The following COLEC10 variants were observed in gnomAD, a reference collection of about 807,000 sequenced individuals.
COLEC10 encodes the protein collectin-10.
In COLEC10, 22 loss-of-function variants were observed where a neutral mutation model predicts 28.4. That is an observed-to-expected ratio of 0.78 (90% confidence interval 0.55 to 1.11). The LOEUF is 1.11. Ranked by LOEUF, COLEC10 falls within the 50% of genes least tolerant of loss-of-function variation. COLEC10 has a pLI of 0.00. For missense variants in COLEC10, 361 were observed against 344.1 expected, an observed-to-expected ratio of 1.05 and a Z score of -0.39; for synonymous variants, 125 against 116.1, an observed-to-expected ratio of 1.08 and a Z score of -0.49.
At chr8:119,083,053 T>G (rs1815398533) in intron 1 of COLEC10, among the ~76,000 whole-genome samples, 1 of 152,188 alleles carries the variant, frequency 6.6e-6, no homozygotes, top group Non-Finnish European at 1.5e-5. Flanking sequence ...AAGAAACTTG[T>G]GTTTGCAAGT....
At chr8:118,969,748 G>C in the COLEC10 span, among the ~76,000 whole-genome samples, 1 of 149,162 alleles carries the variant, frequency 6.7e-6, no homozygotes, top group Non-Finnish European at 1.5e-5. Flanking sequence ...ATTTATGCAA[G>C]TTGGATAGAG....
At chr8:119,102,468 A>G (rs887994296) in intron 4 of COLEC10, 67 bp downstream of exon 4, 16 of 1,289,468 alleles carry the variant, frequency 1.2e-5, no homozygotes, top group Non-Finnish European at 1.8e-5. Flanking sequence ...TCAAAAATAA[A>G]TATATTTCAA....
At chr8:119,077,872 C>A (rs1307999681) in intron 1 of COLEC10, among the ~76,000 whole-genome samples, 1 of 152,102 alleles carries the variant, frequency 6.6e-6, no homozygotes. Context: ...ATACCTTAAA[C>A]TGGGTAGTTT....
chr8:118,966,288 A>G, the COLEC10 span, among the ~76,000 whole-genome samples: 1 of 152,208 alleles, frequency 6.6e-6, no homozygotes, highest in Non-Finnish European at 1.5e-5. Context: ...TAAAAAATCA[A>G]CTATATACAA....
At chr8:119,071,516 G>C (rs924105790) in intron 1 of COLEC10, among the ~76,000 whole-genome samples, 6 of 152,264 alleles carry the variant, frequency 3.9e-5, no homozygotes, top group Admixed American at 1.3e-4. Context: ...TCTTCCCAAG[G>C]ATAGTTCCTT....
intron 2 of COLEC10, among the ~76,000 whole-genome samples, chr8:119,059,362 AT>A (rs1414224312): frequency 6.6e-6 from 1 of 151,922 alleles, no homozygotes; most frequent in Non-Finnish European, 1.5e-5. Context: ...CCTTTGATAC[AT>A]TTCAGTAAAT....
intron 2 of COLEC10, among the ~76,000 whole-genome samples, chr8:119,013,774 T>C (rs1451566419): frequency 6.6e-6 from 1 of 150,810 alleles, no homozygotes. Flanking sequence ...TTGTCTGGAA[T>C]TCATGTAGCT....
intron 1 of COLEC10, among the ~76,000 whole-genome samples, chr8:119,007,235 A>C (rs1389688752): frequency 6.6e-6 from 1 of 152,106 alleles, no homozygotes; most frequent in Non-Finnish European, 1.5e-5. Context: ...ACCATAACTA[A>C]TAAATCCCAG....
chr8:119,029,995 G>T (rs900041671), intron 2 of COLEC10, among the ~76,000 whole-genome samples: 1 of 152,160 alleles, frequency 6.6e-6, no homozygotes, highest in African/African-American at 2.4e-5. Context: ...AATAGGGATA[G>T]AGTAGGAAAA....
At chr8:118,990,433 T>C in the COLEC10 span, among the ~76,000 whole-genome samples, 1 of 152,160 alleles carries the variant, frequency 6.6e-6, no homozygotes, top group Non-Finnish European at 1.5e-5. Flanking sequence ...TAAAAGCCAC[T>C]AAATAGATTC....
At chr8:118,998,368 A>G (rs1358658809) in intron 1 of COLEC10, among the ~76,000 whole-genome samples, 3 of 152,144 alleles carry the variant, frequency 2.0e-5, no homozygotes, top group Non-Finnish European at 4.4e-5. Flanking sequence ...CTCTATTCCT[A>G]TCTAAAGTTG....
intron 2 of COLEC10, among the ~76,000 whole-genome samples, chr8:119,040,331 C>T (rs758617921): frequency 1.1e-4 from 17 of 152,060 alleles, no homozygotes; most frequent in Non-Finnish European, 2.4e-4. Flanking sequence ...AGGCTATGGT[C>T]TTAAGAGGAG....
the COLEC10 span, among the ~76,000 whole-genome samples, chr8:118,960,346 G>A: frequency 5.6e-3 from 858 of 152,254 alleles, 14 homozygotes; most frequent in African/African-American, 0.02. Context: ...AAAGATTATT[G>A]AGCATGATCA....
intron 1 of COLEC10, among the ~76,000 whole-genome samples, chr8:119,006,275 A>G (rs938134761): frequency 9.2e-5 from 14 of 152,062 alleles, no homozygotes; most frequent in African/African-American, 3.1e-4. Flanking sequence ...TTCTTGCTCC[A>G]CTTATGAGAC....
At chr8:118,956,109 C>A in the COLEC10 span, among the ~76,000 whole-genome samples, 1 of 152,150 alleles carries the variant, frequency 6.6e-6, no homozygotes, top group Non-Finnish European at 1.5e-5. Context: ...CTTTACCTTG[C>A]AACCTTACGT....
In COLEC10 at chr8:119,106,561, T is replaced by G. The variant is rs1396264375; in HGVS notation, c.*370T>G. On this transcript the variant is annotated 3_prime_UTR_variant, in exon 6 of 6. Coordinates refer to ENST00000332843, the MANE Select transcript of COLEC10 (RefSeq NM_006438.5). ...GGATAATTTCCCAGTTTACTGGTGA[T>G]GATTAGGAAGGTTGTTGATGGTTAG... 5.5e-6 allele frequency: 1 copy of G among 183,338 alleles called. No individual in the cohort carries two copies. The highest frequency in any genetic ancestry group is 2.3e-5 in the African/African-American group (1 of 42,956). The allele number at this position is 183,338 out of a possible 1,614,324, so 11.4% of individuals were successfully genotyped here. A position where few individuals can be genotyped will look rare whatever the true frequency, so the allele number is the denominator to read the frequency against.
chr8:119,103,716 T>A (rs1815884048), intron 4 of COLEC10, 84 bp from the exon 5 acceptor site: 1 of 796,502 alleles, frequency 1.3e-6, no homozygotes, highest in Non-Finnish European at 2.2e-6. Flanking sequence ...AAAAAGATAG[T>A]GAATATTGGA....
At chr8:119,071,819 A>G (rs1815131607) in intron 1 of COLEC10, among the ~76,000 whole-genome samples, 1 of 152,202 alleles carries the variant, frequency 6.6e-6, no homozygotes, top group Non-Finnish European at 1.5e-5. Context: ...CAAATTTTCC[A>G]TGAAAGACCC....
the COLEC10 span, among the ~76,000 whole-genome samples, chr8:118,956,217 G>A: frequency 1.3e-5 from 2 of 152,176 alleles, no homozygotes; most frequent in African/African-American, 2.4e-5. Flanking sequence ...CCATCCAAAG[G>A]CCCCCTTTCC....
Sources: allele counts gnomAD v4.1 joint callset (sites outside exome capture counted in the v4.1 genomes callset), GRCh38; gene constraint gnomAD v4.1.1; transcripts MANE v1.5; gene names NCBI Gene and HGNC (gene_info 2026-07-23, HGNC 2026-07-21).